NEBL: variants seen among roughly 807,000 people sequenced by gnomAD.
The protein encoded by NEBL is nebulette.
NEBL carries 122 observed loss-of-function variants against 140.2 expected under a neutral mutation model. That is an observed-to-expected ratio of 0.87 (90% confidence interval 0.75 to 1.01). The LOEUF (loss-of-function observed/expected upper bound fraction) is 1.01. Ranked by LOEUF, NEBL falls within the 50% of genes least tolerant of loss-of-function variation. The probability of loss-of-function intolerance (pLI) is 0.00; values close to 1 mark genes in which losing one functional copy is unlikely to be tolerated. For missense variants in NEBL, 1,365 were observed against 1,231.3 expected (o/e 1.11, Z -1.62); for synonymous variants, 436 against 398.9 (o/e 1.09, Z -1.11).
At chr10:20,889,327 C>T (rs545999764) in intron 3 of NEBL, among the ~76,000 whole-genome samples, 112 of 152,260 alleles carry the variant, frequency 7.4e-4, no homozygotes, top group Admixed American at 1.2e-3. Flanking sequence ...ATGAATATAG[C>T]GTATTCCTCA....
chr10:21,239,716 T>C (rs1036416604), intron 3 of NEBL, among the ~76,000 whole-genome samples: 3 of 152,060 alleles, frequency 2.0e-5, no homozygotes, highest in Admixed American at 2.0e-4. Context: ...CAGATTTTAT[T>C]GTTAAAAAAT....
intron 4 of NEBL, among the ~76,000 whole-genome samples, chr10:20,924,437 A>AAAAAAAAAAAAC (rs1833770483): frequency 6.6e-6 from 1 of 150,438 alleles, no homozygotes; most frequent in Non-Finnish European, 1.5e-5. Context: ...AAAAAAAAAA[A>AAAAAAAAAAAAC]AGGCTACACC....
intron 1 of NEBL, among the ~76,000 whole-genome samples, chr10:21,292,157 A>C (rs890320536): frequency 3.3e-5 from 5 of 152,146 alleles, no homozygotes; most frequent in African/African-American, 1.2e-4. Flanking sequence ...TTCAAAGAGG[A>C]TATTTCAAGG....
At chr10:21,246,104 G>C (rs993781925) in intron 3 of NEBL, among the ~76,000 whole-genome samples, 1 of 152,204 alleles carries the variant, frequency 6.6e-6, no homozygotes, top group African/African-American at 2.4e-5. Flanking sequence ...GTGTGACCTT[G>C]ATGCAGTTAC....
chr10:21,239,018 G>A (rs1842400703), intron 3 of NEBL, among the ~76,000 whole-genome samples: 1 of 152,188 alleles, frequency 6.6e-6, no homozygotes, highest in Admixed American at 6.5e-5. Flanking sequence ...TGCCAGGCCT[G>A]AAACTCTTGT....
chr10:20,804,723 A>C (rs1837447683), intron 26 of NEBL: 1 of 152,430 alleles, frequency 6.6e-6, no homozygotes, highest in Admixed American at 6.5e-5. Flanking sequence ...AGAAATGGTG[A>C]GAGTGGACAG....
At chr10:21,250,174 G>A (rs1271318247) in intron 2 of NEBL, among the ~76,000 whole-genome samples, 1 of 152,200 alleles carries the variant, frequency 6.6e-6, no homozygotes, top group Non-Finnish European at 1.5e-5. Context: ...GTCTGTGAGG[G>A]TTTTGTCAAA....
chr10:20,815,838 T>G, intron 21 of NEBL, 121 bp from the exon 22 acceptor site: 3 of 749,316 alleles, frequency 4.0e-6, no homozygotes, highest in Non-Finnish European at 7.0e-6. Flanking sequence ...GTACAATCTT[T>G]GCTCACCACA....
At chr10:21,166,258 A>T (rs1411306449) in intron 2 of NEBL, among the ~76,000 whole-genome samples, 1 of 101,448 alleles carries the variant, frequency 9.9e-6, no homozygotes, top group Non-Finnish European at 1.9e-5. Flanking sequence ...AAAGAAAAAA[A>T]AATTTTCTAC....
chr10:21,174,167 T>TCGCCGC (rs1032992185), exon 1 of NEBL: 2 of 448,322 alleles, frequency 4.5e-6, no homozygotes, highest in Non-Finnish European at 6.0e-6. Context: ...CTCCCCCGCC[T>TCGCCGC]CGCCGCCGCC....
At chr10:21,203,691 C>T (rs559457629) in intron 3 of NEBL, among the ~76,000 whole-genome samples, 5 of 152,218 alleles carry the variant, frequency 3.3e-5, no homozygotes, top group Non-Finnish European at 7.4e-5. Context: ...AATGGAGTAA[C>T]CCAATAAAAA....
At chr10:20,928,335 T>C (rs1589026395) in intron 4 of NEBL, among the ~76,000 whole-genome samples, 1 of 152,204 alleles carries the variant, frequency 6.6e-6, no homozygotes, top group Non-Finnish European at 1.5e-5. Flanking sequence ...TAGTCACATG[T>C]GGCCAGTGGC....
chr10:21,239,985 C>T (rs1322529820), intron 3 of NEBL, among the ~76,000 whole-genome samples: 1 of 150,974 alleles, frequency 6.6e-6, no homozygotes, highest in Non-Finnish European at 1.5e-5. Context: ...CACTGCACTC[C>T]AGCCTGGGTG....
At chr10:21,172,244 G>T in intron 2 of NEBL, 1 of 716,556 alleles carries the variant, frequency 1.4e-6, no homozygotes. Flanking sequence ...CATGGCCCCA[G>T]AGTCTGTGAT....
At chr10:20,839,062 T>A (rs1841159897) in intron 13 of NEBL, among the ~76,000 whole-genome samples, 1 of 152,128 alleles carries the variant, frequency 6.6e-6, no homozygotes, top group African/African-American at 2.4e-5. Flanking sequence ...CCATGTAGGA[T>A]CCATTGTGAG....
chr10:21,164,708 A>G (rs956019541), intron 2 of NEBL, among the ~76,000 whole-genome samples: 1 of 152,208 alleles, frequency 6.6e-6, no homozygotes, highest in East Asian at 1.9e-4. Context: ...AAAGATACCA[A>G]AATGCATTAG....
chr10:21,005,750 T>G (rs755970903), intron 3 of NEBL, among the ~76,000 whole-genome samples: 1 of 151,334 alleles, frequency 6.6e-6, no homozygotes, highest in African/African-American at 2.4e-5. Flanking sequence ...TAATAATAAA[T>G]TAAATAAAAT....
intron 3 of NEBL, among the ~76,000 whole-genome samples, chr10:20,969,228 A>G (rs994660847): frequency 2.0e-5 from 3 of 152,202 alleles, no homozygotes; most frequent in African/African-American, 7.2e-5. Context: ...GCTCAAAAGT[A>G]AATTTGCTTT....
intron 3 of NEBL, among the ~76,000 whole-genome samples, chr10:20,989,239 C>T (rs894118523): frequency 2.6e-5 from 4 of 152,152 alleles, no homozygotes; most frequent in African/African-American, 9.7e-5. Flanking sequence ...TCACCATTTC[C>T]CCCCAACTTA....
Sources: gnomAD v4.1 joint callset for allele counts (sites outside exome capture counted in the v4.1 genomes callset) on GRCh38, gnomAD v4.1.1 for gene constraint, MANE v1.5 for transcripts, NCBI Gene and HGNC (gene_info 2026-07-23, HGNC 2026-07-21) for gene names.